MAPKBP1: variants seen among roughly 807,000 people sequenced by gnomAD.
The protein encoded by MAPKBP1 is mitogen-activated protein kinase binding protein 1, also known as mitogen-activated protein kinase-binding protein 1.
In MAPKBP1, 71 loss-of-function variants were observed where a neutral mutation model predicts 170.5. The observed-to-expected ratio is 0.42, with a 90% CI of 0.34 to 0.51. The LOEUF (loss-of-function observed/expected upper bound fraction) is 0.51. Ranked by LOEUF, MAPKBP1 falls within the 20% of genes least tolerant of loss-of-function variation. The pLI, the probability that MAPKBP1 is intolerant of heterozygous loss-of-function variation, is 0.06. For synonymous variants in MAPKBP1, 719 were observed against 757.9 expected (o/e 0.95, Z 0.84); for missense variants, 1,598 against 1,933.0 (o/e 0.83, Z 3.25).
At chr15:41,783,488 A>G (rs2064224966) in intron 2 of MAPKBP1, among the ~76,000 whole-genome samples, 1 of 152,088 alleles carries the variant, frequency 6.6e-6, no homozygotes, top group African/African-American at 2.4e-5. Context: ...CCAGGTTGCA[A>G]AGTTCTTTGA....
chr15:41,808,707 C>G (rs761148195), intron 3 of MAPKBP1, among the ~76,000 whole-genome samples: 8 of 151,686 alleles, frequency 5.3e-5, no homozygotes, highest in Non-Finnish European at 8.8e-5. Flanking sequence ...AACTCCTGAC[C>G]TCAGGTGATC....
chr15:41,800,447 A>G (rs530316805), intron 3 of MAPKBP1, among the ~76,000 whole-genome samples: 1 of 151,628 alleles, frequency 6.6e-6, no homozygotes, highest in South Asian at 2.1e-4. Context: ...CACTCAAGCA[A>G]TCCTCCCACC....
At chr15:41,793,369 A>C (rs767628535) in intron 2 of MAPKBP1, among the ~76,000 whole-genome samples, 15 of 152,160 alleles carry the variant, frequency 9.9e-5, no homozygotes, top group Non-Finnish European at 1.6e-4. Context: ...TGCCTGTAGT[A>C]CCAGCTACTC....
rs563541073 is a variant in MAPKBP1 at position 41,806,304 on chromosome 15, C to T, written c.207-4579C>T. Reference sequence around the variant, plus strand: ...ATAGGGCTGGAGGGCGACATTTGAGCGAGGCCAGAAGCCCCTTTGGCATGC... The same window carrying T: ...ATAGGGCTGGAGGGCGACATTTGAGTGAGGCCAGAAGCCCCTTTGGCATGC... On this transcript the variant is annotated intron_variant, in intron 3 of 30. Transcript: ENST00000457542. Among the ~76,000 whole-genome samples the T allele has an allele frequency of 1.4e-4, 21 of 152,246 alleles. 1 individual carries two copies. The highest frequency in any genetic ancestry group is 3.9e-4 in the African/African-American group (16 of 41,536).
chr15:41,824,639 T>G lies in MAPKBP1; in HGVS notation c.4299+70T>G. 3 of 1,397,518 alleles carry G rather than the reference T, an allele frequency of 2.1e-6. No individual in the cohort carries two copies. The South Asian group carries it at 3.8e-5, about 18-fold the overall frequency. The allele number at this position is 1,397,518 out of a possible 1,614,324, so 86.6% of individuals were successfully genotyped here. A position where few individuals can be genotyped will look rare whatever the true frequency, so the allele number is the denominator to read the frequency against. ...GTGCTGGGTGTTTCGGATAACCATG[T>G]CCAGAACAGTATGCTAAGCCTCTTG... On this transcript the variant is annotated intron_variant, in intron 30 of 30. Coordinates refer to ENST00000457542, the MANE Select transcript of MAPKBP1 (RefSeq NM_014994.3).
Position 41,782,259 on chromosome 15 carries a change from C to CAAAA in MAPKBP1, c.114+6885_114+6888dup, listed in dbSNP as rs10629541. Among the ~76,000 whole-genome samples the CAAAA allele has an allele frequency of 1.6e-3, 182 of 117,218 alleles. 1 individual carries two copies. The highest frequency in any genetic ancestry group is 0.011 in the South Asian group (38 of 3,394). 76.9% of individuals were successfully genotyped at this position (117,218 alleles called of 152,430 possible). A position where few individuals can be genotyped will look rare whatever the true frequency, so the allele number is the denominator to read the frequency against. Reference sequence around the variant, plus strand: ...CCTGGGAGATAGCGAGGCTCTGTCTCAAAAAAAAAAAAAAAAAATTATGAA... The same window carrying CAAAA: ...CCTGGGAGATAGCGAGGCTCTGTCTCAAAAAAAAAAAAAAAAAAAAAATTATGAA... On this transcript the variant is annotated intron_variant, in intron 2 of 30. Coordinates refer to ENST00000457542, the MANE Select transcript of MAPKBP1 (RefSeq NM_014994.3).
chr15:41,781,211 G>A (rs1420508207), intron 2 of MAPKBP1, among the ~76,000 whole-genome samples: 1 of 151,946 alleles, frequency 6.6e-6, no homozygotes, highest in East Asian at 1.9e-4. Context: ...GAGTAGCTGG[G>A]ATTACAGGCA....
chr15:41,800,487 C>T (rs1248586315), intron 3 of MAPKBP1, among the ~76,000 whole-genome samples: 3 of 152,226 alleles, frequency 2.0e-5, no homozygotes, highest in South Asian at 2.1e-4. Context: ...GGACTACAGG[C>T]GCACTGCCCC....
At position 41,775,241 on chromosome 15, in the gene MAPKBP1, G is replaced by T; in HGVS notation, c.-35G>T. The T allele has an allele frequency of 6.4e-7, 1 of 1,559,580 alleles. No homozygotes were observed. Among genetic ancestry groups the T allele is most frequent in the South Asian group, 1.1e-5 (1 of 89,820 alleles). On this transcript the variant is annotated 5_prime_UTR_variant, in exon 2 of 31. Transcript: ENST00000457542. Reference sequence around the variant, plus strand: ...CGCTGTTGAGACAAGACCCAGGACTGGGCCGGGGACTGTCCCAAAGGGTTT... The same window carrying T: ...CGCTGTTGAGACAAGACCCAGGACTTGGCCGGGGACTGTCCCAAAGGGTTT...
At chr15:41,792,658 C>G (rs2152071785) in intron 2 of MAPKBP1, among the ~76,000 whole-genome samples, 1 of 152,300 alleles carries the variant, frequency 6.6e-6, no homozygotes, top group Non-Finnish European at 1.5e-5. Context: ...AGTTGTGTCC[C>G]AAGTCACTGC....
intron 2 of MAPKBP1, among the ~76,000 whole-genome samples, chr15:41,786,775 A>ATATATATATAT (rs1402898570): frequency 8.0e-5 from 1 of 12,450 alleles, no homozygotes; most frequent in African/African-American, 2.3e-4. Flanking sequence ...AAAAAAAAAA[A>ATATATATATAT]AAATATATAT....
In MAPKBP1 at chr15:41,817,175, G is replaced by T; in HGVS notation, c.1711+140G>T. The stretch of plus-strand genomic sequence containing the variant: ...AGGCCTGGAGCTGGTTGGGAAGATA[G>T]GTGGAACAGAGACTCTCAGTGCTGG... On this transcript the variant is annotated intron_variant, in intron 14 of 30. Transcript: ENST00000457542. The surrounding 1 kb of genome is among the most constrained non-coding windows in gnomAD (Gnocchi z 4.2). 7.2e-7 allele frequency: 1 copy of T among 1,390,016 alleles called. No individual in the cohort carries two copies. The highest frequency in any genetic ancestry group is 9.7e-7 in the Non-Finnish European group (1 of 1,029,436). The allele number at this position is 1,390,016 out of a possible 1,614,324, so 86.1% of individuals were successfully genotyped here.
chr15:41,796,161 A>G lies in MAPKBP1; in HGVS notation c.115-3662A>G, dbSNP rs555347256. ...GTCCTGCGGTGGTGATTTCAGGGCC[A>G]CTCGTTTGCTAGCACCGAATGTGGG... On this transcript the variant is annotated intron_variant, in intron 2 of 30. Coordinates refer to ENST00000457542, the MANE Select transcript of MAPKBP1 (RefSeq NM_014994.3). 4.5e-4 allele frequency among the ~76,000 whole-genome samples: 68 copies of G among 152,244 alleles called. No homozygotes were observed. In the South Asian group the frequency reaches 0.011, roughly 24 times the overall value.
rs2064912606 is a variant in MAPKBP1, at chr15:41,817,529, AGAGGTGAAGG to A, written c.1782+76_1783-71del. 1.9e-6 allele frequency: 3 copies of A among 1,613,644 alleles called. No homozygotes were observed. The highest frequency in any genetic ancestry group is 2.5e-6 in the Non-Finnish European group (3 of 1,179,632). On this transcript the variant is annotated intron_variant, in intron 15 of 30. Transcript: ENST00000457542. The surrounding 1 kb of genome is among the most constrained non-coding windows in gnomAD (Gnocchi z 4.2). ...CTGCCATTCCCTGCCTAAGGTTACA[AGAGGTGAAGG>A]GAGGCGCAAGTAGGGCTCTTGGGGC... is the stretch of plus-strand genomic sequence containing the variant.
intron 2 of MAPKBP1, among the ~76,000 whole-genome samples, chr15:41,797,955 AT>A (rs1473165084): frequency 6.6e-6 from 1 of 152,068 alleles, no homozygotes; most frequent in African/African-American, 2.4e-5. Context: ...AGAGATAAGA[AT>A]TTAAACAGGT....
chr15:41,785,685 T>C (rs1215299838), intron 2 of MAPKBP1, among the ~76,000 whole-genome samples: 2 of 152,172 alleles, frequency 1.3e-5, no homozygotes, highest in Non-Finnish European at 2.9e-5. Flanking sequence ...TCTAATGTTG[T>C]GACCAGAGTA....
rs1330504575 is a variant in MAPKBP1, at chr15:41,813,626, A to G, written c.825A>G (p.Thr275=). 1.9e-6 allele frequency: 3 copies of G among 1,613,704 alleles called. No individual in the cohort carries two copies. Among genetic ancestry groups the G allele is most frequent in the Non-Finnish European group, 2.5e-6 (3 of 1,179,916 alleles). Residue 275 remains threonine, a synonymous_variant, in exon 9 of 31, where the codon ACA becomes ACG. Transcript: ENST00000457542. The part of the protein sequence containing the change: ...LLDKWVELRT[T]VAHCISVSQD... ...CTGAGCCACTCTGCCCACAGACCAC[A>G]GTGGCCCACTGCATCTCTGTGAGCC... is the stretch of plus-strand genomic sequence containing the variant.
intron 2 of MAPKBP1, among the ~76,000 whole-genome samples, chr15:41,786,777 A>AAAATAT: frequency 1.0e-3 from 34 of 32,450 alleles, no homozygotes; most frequent in East Asian, 1.6e-3. Context: ...AAAAAAAAAA[A>AAAATAT]ATATATATAT....
intron 2 of MAPKBP1, among the ~76,000 whole-genome samples, chr15:41,780,615 C>T (rs1035470734): frequency 1.3e-5 from 2 of 152,170 alleles, no homozygotes; most frequent in Non-Finnish European, 2.9e-5. Context: ...CCTCTGGGCT[C>T]CATTGTTTAA....
Sources: gnomAD v4.1 joint callset for allele counts (sites outside exome capture counted in the v4.1 genomes callset) on GRCh38, gnomAD v4.1.1 for gene constraint, Gnocchi (gnomAD v3.1) non-coding constraint, MANE v1.5 for transcripts, NCBI Gene and HGNC (gene_info 2026-07-23, HGNC 2026-07-21) for gene names.